Variants in ACACA observed in about 807,000 individuals in gnomAD.
ACACA encodes the protein acetyl-CoA carboxylase alpha, also known as acetyl-CoA carboxylase 1.
Under a neutral mutation model 296.1 loss-of-function variants are expected in ACACA, and 103 were observed. That is an observed-to-expected ratio of 0.35 (90% CI 0.30 to 0.41). The LOEUF (loss-of-function observed/expected upper bound fraction) is 0.41, where lower values mean the gene tolerates loss of function less well. Among genes scored for constraint, ACACA ranks in the 10% least tolerant of loss-of-function variants. The pLI, the probability that ACACA is intolerant of heterozygous loss-of-function variation, is 1.00. For synonymous variants in ACACA, 953 were observed against 1,038.6 expected, an observed-to-expected ratio of 0.92 and a Z score of 1.58; for missense variants, 1,554 against 2,989.7, an observed-to-expected ratio of 0.52 and a Z score of 11.20.
At chr17:37,135,850 C>T (rs576299753) in intron 45 of ACACA, among the ~76,000 whole-genome samples, 19 of 152,124 alleles carry the variant, frequency 1.2e-4, no homozygotes, top group African/African-American at 4.6e-4. Context: ...TAGGGGGACC[C>T]ACCAACTGCT....
intron 3 of ACACA, among the ~76,000 whole-genome samples, chr17:37,285,549 C>T (rs1370095152): frequency 1.3e-5 from 2 of 152,132 alleles, no homozygotes; most frequent in African/African-American, 4.8e-5. Context: ...TGCAGTGGCT[C>T]ATGCCTGTAA....
intron 18 of ACACA, chr17:37,247,757 T>G: frequency 1.8e-6 from 1 of 557,880 alleles, no homozygotes; most frequent in South Asian, 2.1e-5. Flanking sequence ...TGTAAGAAAC[T>G]TTTAACAATG....
intron 3 of ACACA, among the ~76,000 whole-genome samples, chr17:37,317,332 G>A (rs912436556): frequency 1.3e-5 from 2 of 152,150 alleles, no homozygotes; most frequent in South Asian, 2.1e-4. Flanking sequence ...GCTGACGCCT[G>A]TAATCCCAGC....
Position 37,210,510 on chromosome 17 carries a change from G to A in ACACA, c.3684-20C>T, listed in dbSNP as rs763815780. ...TTCCCTCTGTAATTAAACAACCACAGTTAGTTACTGATAAGTTAGTGAAAG... is the reference window on the plus strand; with the variant it reads ...TTCCCTCTGTAATTAAACAACCACAATTAGTTACTGATAAGTTAGTGAAAG... On this transcript the variant is annotated intron_variant, in intron 29 of 55. Coordinates refer to ENST00000616317, the MANE Select transcript of ACACA (RefSeq NM_198834.3). The A allele has an allele frequency of 1.9e-6, 3 of 1,608,016 alleles. No homozygotes were observed. Among genetic ancestry groups the A allele is most frequent in the Non-Finnish European group, 2.6e-6 (3 of 1,174,696 alleles).
At chr17:37,096,866 G>A (rs952651810) in intron 54 of ACACA, 130 bp downstream of exon 54, 9 of 1,106,612 alleles carry the variant, frequency 8.1e-6, no homozygotes, top group Non-Finnish European at 1.2e-5. Flanking sequence ...GGAGGAAACA[G>A]CTTGGATCTC....
At chr17:37,185,684 T>C (rs569559380) in intron 39 of ACACA, among the ~76,000 whole-genome samples, 10 of 152,198 alleles carry the variant, frequency 6.6e-5, no homozygotes, top group Admixed American at 6.5e-4. Context: ...TTCTCCTGTC[T>C]CAGCCTCCTG....
At chr17:37,155,873 G>A (rs1298083033) in intron 42 of ACACA, 93 bp from the exon 43 acceptor site, 5 of 872,446 alleles carry the variant, frequency 5.7e-6, no homozygotes, top group Admixed American at 5.3e-5. Context: ...TTGTTCCACA[G>A]CTAGCTTTAA....
At chr17:37,095,955 C>T (rs2072961753) in intron 54 of ACACA, among the ~76,000 whole-genome samples, 1 of 152,162 alleles carries the variant, frequency 6.6e-6, no homozygotes. Context: ...ACCAAGGACA[C>T]CATCTCAGTG....
chr17:37,351,094 C>T (rs1192921513), intron 1 of ACACA, among the ~76,000 whole-genome samples: 3 of 152,050 alleles, frequency 2.0e-5, no homozygotes, highest in Non-Finnish European at 2.9e-5. Context: ...GCGCTGAGAT[C>T]GCACCGCTGC....
intron 1 of ACACA, among the ~76,000 whole-genome samples, chr17:37,343,285 A>G (rs2048469475): frequency 6.6e-6 from 1 of 151,932 alleles, no homozygotes; most frequent in Non-Finnish European, 1.5e-5. Context: ...GCCCAGAGAT[A>G]TTTTTCTAAA....
At chr17:37,359,127 CGGA>C (rs1322553305) in intron 1 of ACACA, 2 of 985,364 alleles carry the variant, frequency 2.0e-6, no homozygotes, top group South Asian at 4.7e-5. Context: ...GCCCGGCACA[CGGA>C]GAAGGGGCGG....
chr17:37,250,884 G>A (rs375950085), intron 16 of ACACA, among the ~76,000 whole-genome samples: 125 of 151,824 alleles, frequency 8.2e-4, no homozygotes, highest in African/African-American at 2.8e-3. Flanking sequence ...AAAATTAGCC[G>A]GGCCTGGTGG....
intron 1 of ACACA, among the ~76,000 whole-genome samples, chr17:37,380,161 A>T (rs895551582): frequency 6.6e-6 from 1 of 151,806 alleles, no homozygotes; most frequent in African/African-American, 2.4e-5. Flanking sequence ...CATTCTCAGT[A>T]AACTATCACA....
intron 1 of ACACA, among the ~76,000 whole-genome samples, chr17:37,381,333 C>T (rs1258649458): frequency 6.6e-6 from 1 of 151,738 alleles, no homozygotes; most frequent in African/African-American, 2.4e-5. Flanking sequence ...TTACAGGTGC[C>T]CACCACCACA....
chr17:37,102,491 C>T (rs1210835409), intron 52 of ACACA, among the ~76,000 whole-genome samples: 1 of 152,176 alleles, frequency 6.6e-6, no homozygotes, highest in Non-Finnish European at 1.5e-5. Flanking sequence ...TGTGAGCCAC[C>T]GCACCTGGCT....
rs759926916 is a variant in ACACA, at chr17:37,088,915, G to T, written c.7028+23C>A. On this transcript the variant is annotated intron_variant, in intron 55 of 55. Coordinates refer to ENST00000616317, the MANE Select transcript of ACACA (RefSeq NM_198834.3). Reference sequence around the variant, plus strand: ...AAGAAATTAGCCCTCCTTCTCTAGTGGAGTTCCCCACGTTGGTCTCACCTG... The same window carrying T: ...AAGAAATTAGCCCTCCTTCTCTAGTTGAGTTCCCCACGTTGGTCTCACCTG... 6.2e-6 allele frequency: 10 copies of T among 1,613,950 alleles called. No individual in the cohort carries two copies. In the South Asian group the frequency reaches 7.7e-5, roughly 12 times the overall value.
At chr17:37,320,916 C>T (rs1471088523) in intron 3 of ACACA, among the ~76,000 whole-genome samples, 1 of 150,806 alleles carries the variant, frequency 6.6e-6, no homozygotes, top group Non-Finnish European at 1.5e-5. Flanking sequence ...CATCGCACTC[C>T]AGCCTGGGCA....
chr17:37,342,981 T>C (rs1207095347), intron 1 of ACACA, among the ~76,000 whole-genome samples: 1 of 152,126 alleles, frequency 6.6e-6, no homozygotes, highest in African/African-American at 2.4e-5. Context: ...CAGAAATTTT[T>C]TTTTTCTTTT....
intron 29 of ACACA, among the ~76,000 whole-genome samples, chr17:37,219,932 T>C (rs563235796): frequency 1.3e-5 from 2 of 152,152 alleles, no homozygotes; most frequent in African/African-American, 4.8e-5. Context: ...TTTTCCTTTT[T>C]ATTTTGCAAT....
Sources: allele counts gnomAD v4.1 joint callset (sites outside exome capture counted in the v4.1 genomes callset), GRCh38; gene constraint gnomAD v4.1.1; transcripts MANE v1.5; gene names NCBI Gene and HGNC (gene_info 2026-07-23, HGNC 2026-07-21).